Variants in SCRG1 observed in about 807,000 individuals in gnomAD.
The protein encoded by SCRG1 is scrapie-responsive protein 1.
In SCRG1, 3 loss-of-function variants were observed where a neutral mutation model predicts 7.7. The ratio of observed to expected loss-of-function variants is 0.39; its 90% confidence interval spans 0.18 to 1.01. SCRG1 has a LOEUF of 1.01. Among genes scored for constraint, SCRG1 ranks in the 50% least tolerant of loss-of-function variants. The pLI is 0.36. For synonymous variants in SCRG1, 46 were observed against 41.2 expected (o/e 1.12, Z -0.44); for missense variants, 110 against 117.2 (o/e 0.94, Z 0.28).
At chr4:173,402,592 A>AG (rs1391546836), upstream of SCRG1, among the ~76,000 whole-genome samples, 2 of 152,202 alleles carry the variant, frequency 1.3e-5, no homozygotes, top group Admixed American at 1.3e-4. Flanking sequence ...AGCTTGTGAG[A>AG]GAAAAAAAAT....
upstream of SCRG1, chr4:173,403,253 A>T (rs1209160996): frequency 6.6e-6 from 1 of 151,962 alleles, no homozygotes; most frequent in Non-Finnish European, 1.5e-5. Flanking sequence ...AACTGATGCC[A>T]CCTCCCCTGC....
the SCRG1 span, among the ~76,000 whole-genome samples, chr4:173,498,108 C>T: frequency 6.6e-6 from 1 of 152,178 alleles, no homozygotes; most frequent in Non-Finnish European, 1.5e-5. Context: ...GATTTACTTA[C>T]TTACATAATT....
At chr4:173,441,052 G>C in the SCRG1 span, among the ~76,000 whole-genome samples, 1 of 151,722 alleles carries the variant, frequency 6.6e-6, no homozygotes, top group African/African-American at 2.4e-5. Context: ...TTAATTTGGG[G>C]GTGGGTGGGG....
At chr4:173,512,650 G>C in the SCRG1 span, among the ~76,000 whole-genome samples, 1 of 152,320 alleles carries the variant, frequency 6.6e-6, no homozygotes, top group Middle Eastern at 3.4e-3. Flanking sequence ...GCATCCCAGA[G>C]AGCAGAATCC....
the SCRG1 span, among the ~76,000 whole-genome samples, chr4:173,441,894 A>T: frequency 2.1e-3 from 324 of 152,304 alleles, 1 homozygote; most frequent in Non-Finnish European, 3.9e-3. Flanking sequence ...TTAAAAAATA[A>T]AGTCTGCGGT....
chr4:173,435,424 C>T, the SCRG1 span, among the ~76,000 whole-genome samples: 2 of 152,196 alleles, frequency 1.3e-5, no homozygotes, highest in African/African-American at 4.8e-5. Flanking sequence ...ACATCCCTGT[C>T]TGGTCACCGG....
chr4:173,464,272 T>G, the SCRG1 span, among the ~76,000 whole-genome samples: 1 of 152,212 alleles, frequency 6.6e-6, no homozygotes, highest in South Asian at 2.1e-4. Context: ...ACATTACCTC[T>G]AAACCCAAAA....
At chr4:173,439,021 C>T in the SCRG1 span, among the ~76,000 whole-genome samples, 1 of 151,894 alleles carries the variant, frequency 6.6e-6, no homozygotes, top group Non-Finnish European at 1.5e-5. Context: ...GTGATGTATA[C>T]ACTTCTGGGG....
chr4:173,508,591 G>A, the SCRG1 span, among the ~76,000 whole-genome samples: 2 of 152,174 alleles, frequency 1.3e-5, no homozygotes, highest in African/African-American at 4.8e-5. This position sits in a 1 kb window ranked among gnomAD's most constrained non-coding sequence, Gnocchi z 4.4. Flanking sequence ...CGCGGTAGGT[G>A]GGTGCCCAAG....
chr4:173,510,561 G>T, the SCRG1 span, among the ~76,000 whole-genome samples: 1 of 152,126 alleles, frequency 6.6e-6, no homozygotes, highest in Non-Finnish European at 1.5e-5. The surrounding 1 kb of genome is among the most constrained non-coding windows in gnomAD (Gnocchi z 5.7). Context: ...GCCCTATGGA[G>T]ATCCAGAAGC....
chr4:173,442,260 T>G, the SCRG1 span, among the ~76,000 whole-genome samples: 1 of 152,178 alleles, frequency 6.6e-6, no homozygotes, highest in African/African-American at 2.4e-5. Flanking sequence ...AAGAAGATCC[T>G]CATCTATATT....
the SCRG1 span, among the ~76,000 whole-genome samples, chr4:173,515,521 A>T: frequency 6.6e-5 from 10 of 152,258 alleles, no homozygotes; most frequent in East Asian, 1.9e-3. The surrounding 1 kb of genome is among the most constrained non-coding windows in gnomAD (Gnocchi z 4.6). Flanking sequence ...TCCCTAAAGG[A>T]TATACTTTCA....
At chr4:173,410,776 T>TA (rs1236278058), upstream of SCRG1, among the ~76,000 whole-genome samples, 22 of 152,174 alleles carry the variant, frequency 1.4e-4, no homozygotes, top group Non-Finnish European at 2.8e-4. Context: ...CTGGACTTTT[T>TA]AAAAAAAACT....
the SCRG1 span, among the ~76,000 whole-genome samples, chr4:173,485,288 A>C: frequency 1.9e-5 from 1 of 52,316 alleles, no homozygotes; most frequent in East Asian, 3.8e-4. Flanking sequence ...GGTCTCAAGA[A>C]GCCTTGCAAG....
the SCRG1 span, among the ~76,000 whole-genome samples, chr4:173,429,703 C>T: frequency 0.024 from 3,656 of 152,232 alleles, 166 homozygotes; most frequent in African/African-American, 0.083. Flanking sequence ...CACAAATTTT[C>T]TTTTCACTTT....
the SCRG1 span, among the ~76,000 whole-genome samples, chr4:173,422,915 G>T: frequency 6.6e-6 from 1 of 152,120 alleles, no homozygotes; most frequent in Non-Finnish European, 1.5e-5. Context: ...TATCAGAGAT[G>T]ATCTAAATTC....
the SCRG1 span, among the ~76,000 whole-genome samples, chr4:173,424,589 A>G: frequency 6.6e-6 from 1 of 152,148 alleles, no homozygotes; most frequent in African/African-American, 2.4e-5. Flanking sequence ...ATGCAAGGCC[A>G]TTTTCTACTA....
chr4:173,507,946 C>G, the SCRG1 span, among the ~76,000 whole-genome samples: 2 of 152,232 alleles, frequency 1.3e-5, no homozygotes, highest in Admixed American at 1.3e-4. This position sits in a 1 kb window ranked among gnomAD's most constrained non-coding sequence, Gnocchi z 4.4. Context: ...CCCTGCTGCC[C>G]CGAGTGCGGC....
chr4:173,392,706 A>G (rs1304547114), intron 1 of SCRG1, among the ~76,000 whole-genome samples: 2 of 152,258 alleles, frequency 1.3e-5, no homozygotes, highest in African/African-American at 2.4e-5. Context: ...AGAGCCATTC[A>G]GATTTTATCT....
Sources: gnomAD v4.1 joint callset for allele counts (sites outside exome capture counted in the v4.1 genomes callset) on GRCh38, gnomAD v4.1.1 for gene constraint, Gnocchi (gnomAD v3.1) non-coding constraint, MANE v1.5 for transcripts, NCBI Gene and HGNC (gene_info 2026-07-23, HGNC 2026-07-21) for gene names.